Variants in PDZRN4 observed in about 807,000 individuals in gnomAD.
The protein encoded by PDZRN4 is PDZ domain containing ring finger 4, also known as PDZ domain-containing RING finger protein 4.
In PDZRN4, 70 loss-of-function variants were observed where a neutral mutation model predicts 99.0. The observed-to-expected ratio is 0.71, with a 90% CI of 0.58 to 0.86. The LOEUF (loss-of-function observed/expected upper bound fraction) is 0.86. Among genes scored for constraint, PDZRN4 ranks in the 40% least tolerant of loss-of-function variants. The pLI is 0.00. For missense variants in PDZRN4, 1,474 were observed against 1,331.2 expected, an observed-to-expected ratio of 1.11 and a Z score of -1.67; for synonymous variants, 551 against 501.6, an observed-to-expected ratio of 1.10 and a Z score of -1.32.
chr12:41,332,222 G>A (rs1951745079), intron 3 of PDZRN4, among the ~76,000 whole-genome samples: 1 of 152,134 alleles, frequency 6.6e-6, no homozygotes, highest in African/African-American at 2.4e-5. Context: ...CCTGGAATGT[G>A]TGTTTTTCAA....
intron 3 of PDZRN4, among the ~76,000 whole-genome samples, chr12:41,489,015 A>G (rs1427341868): frequency 6.6e-6 from 1 of 152,188 alleles, no homozygotes; most frequent in Admixed American, 6.6e-5. Context: ...ACAGCTTTGA[A>G]AGTGGCCCAT....
chr12:41,270,484 G>C (rs1303476027), intron 3 of PDZRN4, among the ~76,000 whole-genome samples: 7 of 151,968 alleles, frequency 4.6e-5, no homozygotes, highest in African/African-American at 1.7e-4. Context: ...ACGCATAGAT[G>C]GCTTGTGTAA....
chr12:41,399,315 AT>A (rs369477055), intron 3 of PDZRN4, among the ~76,000 whole-genome samples: 3 of 152,218 alleles, frequency 2.0e-5, no homozygotes, highest in South Asian at 2.1e-4. Flanking sequence ...TAAAATTCAA[AT>A]AGTGAATTGT....
At chr12:41,357,354 A>G (rs962249780) in intron 3 of PDZRN4, among the ~76,000 whole-genome samples, 5 of 151,994 alleles carry the variant, frequency 3.3e-5, no homozygotes, top group African/African-American at 9.7e-5. Flanking sequence ...TACTATATAC[A>G]TCTACATAAG....
At chr12:41,522,769 T>G (rs1565605466) in intron 5 of PDZRN4, among the ~76,000 whole-genome samples, 1 of 152,164 alleles carries the variant, frequency 6.6e-6, no homozygotes. Flanking sequence ...TAGACGTTCA[T>G]AATATTATAA....
At chr12:41,361,137 G>A (rs1480168505) in intron 3 of PDZRN4, among the ~76,000 whole-genome samples, 1 of 152,018 alleles carries the variant, frequency 6.6e-6, no homozygotes, top group Non-Finnish European at 1.5e-5. Context: ...TTACATGAGA[G>A]ATTAGTGTGC....
chr12:41,272,719 A>T (rs55877007), intron 3 of PDZRN4, among the ~76,000 whole-genome samples: 6,567 of 152,216 alleles, frequency 0.043, 194 homozygotes, highest in Non-Finnish European at 0.061. Context: ...TTCAAAAGTT[A>T]TAAAAATATT....
At chr12:41,563,954 G>A (rs894626877) in intron 8 of PDZRN4, among the ~76,000 whole-genome samples, 1 of 152,126 alleles carries the variant, frequency 6.6e-6, no homozygotes, top group African/African-American at 2.4e-5. Context: ...CCTTTTAAGG[G>A]GGGAAAAGCA....
chr12:41,548,571 A>C (rs79658361), intron 5 of PDZRN4, among the ~76,000 whole-genome samples: 9,995 of 152,232 alleles, frequency 0.066, 820 homozygotes, highest in East Asian at 0.17. Context: ...CTCTTCTTCA[A>C]ACTTGAATAG....
intron 5 of PDZRN4, among the ~76,000 whole-genome samples, chr12:41,549,248 G>A (rs182222691): frequency 6.6e-6 from 1 of 152,284 alleles, no homozygotes; most frequent in African/African-American, 2.4e-5. Flanking sequence ...TATGAAAGTT[G>A]TTAGGGAAAA....
At position 41,509,824 on chromosome 12, in the gene PDZRN4, C is replaced by T. The variant is rs774528523; in HGVS notation, c.1114C>T (p.His372Tyr). ...CATTCCCCATAGCTGCCATTCTCTA[C>T]ATCCAATGGAGCATGAATTTTATGA... ...FLLSDSCHSLHPMEHEFYEDN... is the reference protein window; with the variant it reads ...FLLSDSCHSLYPMEHEFYEDN... Residue 372 changes from histidine (H) to tyrosine (Y), a missense_variant, in exon 5 of 10, where the codon CAT becomes TAT. Coordinates refer to ENST00000402685, the MANE Select transcript of PDZRN4 (RefSeq NM_001164595.2). The T allele has an allele frequency of 1.1e-5, 17 of 1,568,508 alleles. No homozygotes were observed. Among genetic ancestry groups the T allele is most frequent in the Non-Finnish European group, 1.4e-5 (16 of 1,141,998 alleles).
intron 3 of PDZRN4, among the ~76,000 whole-genome samples, chr12:41,244,777 C>T (rs1285195978): frequency 2.0e-5 from 3 of 150,100 alleles, no homozygotes; most frequent in African/African-American, 5.0e-5. Flanking sequence ...CTCTGCTTCC[C>T]GGGTTCACGC....
At chr12:41,391,475 G>A (rs73274455) in intron 3 of PDZRN4, among the ~76,000 whole-genome samples, 5,401 of 152,174 alleles carry the variant, frequency 0.035, 321 homozygotes, top group African/African-American at 0.12. Context: ...TGGACTTTCT[G>A]GTCACCCAGA....
chr12:41,270,169 A>G (rs1461450080), intron 3 of PDZRN4, among the ~76,000 whole-genome samples: 1 of 103,458 alleles, frequency 9.7e-6, no homozygotes, highest in Non-Finnish European at 2.5e-5. Flanking sequence ...CCATCACCAC[A>G]TGTTATAAAT....
At chr12:41,220,077 T>C (rs1235575555) in intron 3 of PDZRN4, among the ~76,000 whole-genome samples, 1 of 152,098 alleles carries the variant, frequency 6.6e-6, no homozygotes, top group Non-Finnish European at 1.5e-5. Flanking sequence ...GGTATGAAGA[T>C]TTTTATGTTG....
At chr12:41,235,173 T>C (rs779461847) in intron 3 of PDZRN4, among the ~76,000 whole-genome samples, 7 of 152,144 alleles carry the variant, frequency 4.6e-5, no homozygotes, top group Non-Finnish European at 7.4e-5. Flanking sequence ...TTTTATGTTG[T>C]TCAGATATAA....
At chr12:41,256,283 G>A (rs1951203857) in intron 3 of PDZRN4, among the ~76,000 whole-genome samples, 1 of 151,974 alleles carries the variant, frequency 6.6e-6, no homozygotes, top group African/African-American at 2.4e-5. Flanking sequence ...TACTTTCTAA[G>A]GTCCAACTAT....
intron 3 of PDZRN4, among the ~76,000 whole-genome samples, chr12:41,247,372 A>G (rs1225504097): frequency 6.6e-6 from 1 of 152,184 alleles, no homozygotes; most frequent in Admixed American, 6.5e-5. Context: ...CTGAATCACA[A>G]TCTTTGAAAG....
intron 3 of PDZRN4, among the ~76,000 whole-genome samples, chr12:41,342,370 T>C (rs148904465): frequency 1.3e-4 from 19 of 151,804 alleles, no homozygotes; most frequent in Non-Finnish European, 2.2e-4. Flanking sequence ...CAAACTAAAA[T>C]GCTTTGCACA....
Sources: allele counts gnomAD v4.1 joint callset (sites outside exome capture counted in the v4.1 genomes callset), GRCh38; gene constraint gnomAD v4.1.1; transcripts MANE v1.5; gene names NCBI Gene and HGNC (gene_info 2026-07-23, HGNC 2026-07-21).